The following GRXCR1 variants were observed in gnomAD, a reference collection of about 807,000 sequenced individuals.
GRXCR1 encodes glutaredoxin domain-containing cysteine-rich protein 1.
In GRXCR1, 27 loss-of-function variants were observed where a neutral mutation model predicts 27.3. That is an observed-to-expected ratio of 0.99 (90% confidence interval 0.73 to 1.37). The LOEUF (loss-of-function observed/expected upper bound fraction) is 1.37, where lower values mean the gene tolerates loss of function less well. GRXCR1 is among the 40% of genes most tolerant of loss of function. The pLI is 0.00. For synonymous variants in GRXCR1, 122 were observed against 131.1 expected (o/e 0.93, Z 0.47); for missense variants, 379 against 354.4 (o/e 1.07, Z -0.56).
At chr4:42,958,611 T>C (rs1405560491) in intron 1 of GRXCR1, among the ~76,000 whole-genome samples, 5 of 152,050 alleles carry the variant, frequency 3.3e-5, no homozygotes, top group Admixed American at 1.3e-4. Context: ...AGATTATCAA[T>C]GAAATGAAAA....
intron 2 of GRXCR1, among the ~76,000 whole-genome samples, chr4:42,969,229 T>C: frequency 6.6e-6 from 1 of 152,338 alleles, no homozygotes; most frequent in Admixed American, 6.5e-5. Flanking sequence ...CATGTGAAAG[T>C]ATTTAACATC....
At chr4:42,975,091 CAT>C (rs1383768992) in intron 2 of GRXCR1, among the ~76,000 whole-genome samples, 2 of 152,226 alleles carry the variant, frequency 1.3e-5, no homozygotes, top group African/African-American at 4.8e-5. Flanking sequence ...AGCCAAAAGA[CAT>C]ATAACCATTT....
intron 2 of GRXCR1, among the ~76,000 whole-genome samples, chr4:42,991,340 C>T (rs916146707): frequency 8.6e-5 from 13 of 151,892 alleles, no homozygotes; most frequent in African/African-American, 2.9e-4. Context: ...TATTTATTGT[C>T]TTAAACAAAA....
At chr4:42,985,083 A>G (rs1041945299) in intron 2 of GRXCR1, among the ~76,000 whole-genome samples, 1 of 152,160 alleles carries the variant, frequency 6.6e-6, no homozygotes, top group Non-Finnish European at 1.5e-5. Flanking sequence ...TGACATGGAT[A>G]ATATAAACTC....
intron 1 of GRXCR1, among the ~76,000 whole-genome samples, chr4:42,932,628 A>AT (rs1747354467): frequency 1.9e-5 from 1 of 52,976 alleles, no homozygotes; most frequent in African/African-American, 6.6e-5. Context: ...ATAGAGAGAG[A>AT]GAGAGAGAGA....
intron 2 of GRXCR1, among the ~76,000 whole-genome samples, chr4:43,007,925 C>A (rs1443885114): frequency 6.6e-6 from 1 of 152,008 alleles, no homozygotes; most frequent in Non-Finnish European, 1.5e-5. Flanking sequence ...AGCGTTTTGC[C>A]CATTTTGTTT....
chr4:43,013,493 A>G (rs1017144094), intron 2 of GRXCR1, among the ~76,000 whole-genome samples: 3 of 152,072 alleles, frequency 2.0e-5, no homozygotes, highest in African/African-American at 4.8e-5. Flanking sequence ...GTGGGGAGGG[A>G]TGGAGGGGAG....
intron 1 of GRXCR1, among the ~76,000 whole-genome samples, chr4:42,911,312 T>A (rs1477903274): frequency 6.6e-6 from 1 of 152,096 alleles, no homozygotes; most frequent in Non-Finnish European, 1.5e-5. Context: ...AATATGCCTC[T>A]AATACATATA....
At chr4:43,024,134 T>C (rs1713179647) in intron 3 of GRXCR1, among the ~76,000 whole-genome samples, 1 of 149,632 alleles carries the variant, frequency 6.7e-6, no homozygotes. Context: ...TTTTTGAAGA[T>C]ATGAGTAAAT....
intron 3 of GRXCR1, among the ~76,000 whole-genome samples, chr4:43,029,822 C>T (rs905711749): frequency 1.2e-4 from 18 of 152,086 alleles, no homozygotes; most frequent in East Asian, 3.8e-4. Flanking sequence ...AGATTCTATA[C>T]AAAAATGCAT....
intron 1 of GRXCR1, among the ~76,000 whole-genome samples, chr4:42,955,262 C>A (rs1747972362): frequency 6.6e-6 from 1 of 151,988 alleles, no homozygotes; most frequent in East Asian, 1.9e-4. Context: ...TCAAAGAAAT[C>A]ATTTTAGACT....
At chr4:42,927,363 G>A (rs1747183092) in intron 1 of GRXCR1, among the ~76,000 whole-genome samples, 1 of 151,978 alleles carries the variant, frequency 6.6e-6, no homozygotes, top group Non-Finnish European at 1.5e-5. Context: ...AATTCAAGGA[G>A]AGAGCATGCT....
At position 42,987,247 on chromosome 4, in the gene GRXCR1, T is replaced by TATAC. The variant is rs1711788162; in HGVS notation, c.627+24114_627+24115insTACA. 4.3e-3 allele frequency among the ~76,000 whole-genome samples: 354 copies of TATAC among 82,322 alleles called. 2 individuals are homozygous for TATAC. Among genetic ancestry groups the TATAC allele is most frequent in the African/African-American group, 0.016 (336 of 20,470 alleles). The allele number at this position is 82,322 out of a possible 152,430, so 54.0% of individuals were successfully genotyped here. A position where few individuals can be genotyped will look rare whatever the true frequency, so the allele number is the denominator to read the frequency against. ...TTATATATTATATATATATAATATA[T>TATAC]AATATATATATATAATATATATATA... On this transcript the variant is annotated intron_variant, in intron 2 of 3. Transcript: ENST00000399770.
At chr4:42,959,258 A>G (rs1748076190) in intron 1 of GRXCR1, among the ~76,000 whole-genome samples, 1 of 151,960 alleles carries the variant, frequency 6.6e-6, no homozygotes, top group South Asian at 2.1e-4. Context: ...TGAAACAGAT[A>G]TTGCTATTTG....
intron 1 of GRXCR1, among the ~76,000 whole-genome samples, chr4:42,945,939 C>T (rs574005360): frequency 6.6e-6 from 1 of 152,246 alleles, no homozygotes; most frequent in East Asian, 1.9e-4. Context: ...AGTTTTTCAG[C>T]CTTTTCCTTC....
intron 2 of GRXCR1, among the ~76,000 whole-genome samples, chr4:42,971,257 T>C (rs576160174): frequency 3.3e-5 from 5 of 152,274 alleles, no homozygotes; most frequent in Non-Finnish European, 7.4e-5. Flanking sequence ...TTCTCTCTTC[T>C]TCTGAGCCCT....
intron 2 of GRXCR1, among the ~76,000 whole-genome samples, chr4:42,996,650 C>G (rs1254410434): frequency 6.6e-6 from 1 of 151,710 alleles, no homozygotes; most frequent in Non-Finnish European, 1.5e-5. Context: ...TGAATTTATA[C>G]AGCAAAACTG....
At chr4:42,967,083 C>G (rs925172318) in intron 2 of GRXCR1, among the ~76,000 whole-genome samples, 4 of 152,030 alleles carry the variant, frequency 2.6e-5, no homozygotes, top group Admixed American at 2.6e-4. Context: ...TAATTTCTTT[C>G]ATGCATCCTA....
intron 2 of GRXCR1, among the ~76,000 whole-genome samples, chr4:42,997,257 G>C (rs947918786): frequency 4.6e-5 from 7 of 151,892 alleles, no homozygotes; most frequent in Non-Finnish European, 7.4e-5. Flanking sequence ...TTTGTCATCT[G>C]TAGGACACTT....
Sources: allele counts gnomAD v4.1 joint callset (sites outside exome capture counted in the v4.1 genomes callset), GRCh38; gene constraint gnomAD v4.1.1; transcripts MANE v1.5; gene names NCBI Gene and HGNC (gene_info 2026-07-23, HGNC 2026-07-21).